Variants in BCKDHB observed in about 807,000 individuals in gnomAD.
BCKDHB encodes the protein 2-oxoisovalerate dehydrogenase subunit beta, mitochondrial.
BCKDHB carries 41 observed loss-of-function variants against 48.5 expected under a neutral mutation model. The ratio of observed to expected loss-of-function variants is 0.85; its 90% CI spans 0.66 to 1.10. The LOEUF (loss-of-function observed/expected upper bound fraction) is 1.10, where lower values mean the gene tolerates loss of function less well. Ranked by LOEUF, BCKDHB falls within the 50% of genes least tolerant of loss-of-function variation. BCKDHB has a pLI of 0.00. For missense variants in BCKDHB, 496 were observed against 494.2 expected (o/e 1.00, Z -0.03); for synonymous variants, 201 against 174.8 (o/e 1.15, Z -1.18).
At chr6:80,320,973 G>T (rs1226998412) in intron 9 of BCKDHB, among the ~76,000 whole-genome samples, 3 of 151,952 alleles carry the variant, frequency 2.0e-5, no homozygotes, top group African/African-American at 4.8e-5. Context: ...GATATCCCCT[G>T]TCCCCTGAAA....
intron 8 of BCKDHB, among the ~76,000 whole-genome samples, chr6:80,257,017 A>G (rs993835107): frequency 3.9e-5 from 6 of 152,212 alleles, no homozygotes; most frequent in Non-Finnish European, 7.3e-5. Context: ...CACATACCAT[A>G]TCCACATTAT....
intron 9 of BCKDHB, among the ~76,000 whole-genome samples, chr6:80,286,331 G>C (rs978425773): frequency 2.6e-5 from 4 of 152,094 alleles, no homozygotes; most frequent in Non-Finnish European, 5.9e-5. Flanking sequence ...ATGCTGGTTA[G>C]GCTATTTGAA....
intron 1 of BCKDHB, among the ~76,000 whole-genome samples, chr6:80,123,774 C>T (rs535105817): frequency 1.3e-5 from 2 of 152,000 alleles, no homozygotes; most frequent in Non-Finnish European, 2.9e-5. Context: ...CTATTTGATT[C>T]TTCTCTGTTT....
the BCKDHB span, among the ~76,000 whole-genome samples, chr6:80,390,927 G>A: frequency 6.6e-6 from 1 of 152,104 alleles, no homozygotes; most frequent in South Asian, 2.1e-4. Context: ...CAATCAGCTG[G>A]CAGCAAATAT....
the BCKDHB span, among the ~76,000 whole-genome samples, chr6:80,408,147 G>A: frequency 6.6e-6 from 1 of 152,094 alleles, no homozygotes; most frequent in Non-Finnish European, 1.5e-5. Context: ...TTTGTGTGAT[G>A]GATTACTTTT....
chr6:80,153,080 G>A (rs929692995), intron 3 of BCKDHB, among the ~76,000 whole-genome samples: 1 of 152,136 alleles, frequency 6.6e-6, no homozygotes. Flanking sequence ...CAGTAACATT[G>A]TTCTTTAATC....
In BCKDHB at chr6:80,328,029, C is replaced by T. The variant is rs1769129009; in HGVS notation, c.1039-15635C>T. On this transcript the variant is annotated intron_variant, in intron 9 of 9. Transcript: ENST00000320393. The stretch of plus-strand genomic sequence containing the variant: ...ATTAAAATGGTCACCTGACGACCAT[C>T]TGAGTTGAGCTTTGTCAAGAACCAA... 2.7e-5 allele frequency among the ~76,000 whole-genome samples: 4 copies of T among 150,888 alleles called. No homozygotes were observed. The South Asian group carries it at 8.4e-4, about 32-fold the overall frequency.
the BCKDHB span, among the ~76,000 whole-genome samples, chr6:80,368,876 G>C: frequency 6.6e-6 from 1 of 152,034 alleles, no homozygotes; most frequent in Admixed American, 6.6e-5. Context: ...AGCCAGGCGT[G>C]GTGGCTCGTG....
intron 9 of BCKDHB, among the ~76,000 whole-genome samples, chr6:80,341,724 C>T (rs770171617): frequency 7.2e-5 from 11 of 152,076 alleles, no homozygotes; most frequent in Admixed American, 1.3e-4. Context: ...AAATCAAAGA[C>T]GTTTAGTAAA....
chr6:80,291,963 A>G (rs1297225583), intron 9 of BCKDHB, among the ~76,000 whole-genome samples: 1 of 152,162 alleles, frequency 6.6e-6, no homozygotes, highest in African/African-American at 2.4e-5. Flanking sequence ...CATGAAAGGA[A>G]TCTTAGATAA....
At chr6:80,233,562 T>C (rs1241174448) in intron 8 of BCKDHB, among the ~76,000 whole-genome samples, 2 of 152,242 alleles carry the variant, frequency 1.3e-5, no homozygotes, top group African/African-American at 4.8e-5. Flanking sequence ...CTTATTTTTC[T>C]GAACCTTATT....
At chr6:80,253,022 T>A (rs942233729) in intron 8 of BCKDHB, among the ~76,000 whole-genome samples, 5 of 152,222 alleles carry the variant, frequency 3.3e-5, no homozygotes, top group African/African-American at 7.2e-5. Flanking sequence ...TCACAACATC[T>A]GCATCAGTAA....
intron 9 of BCKDHB, among the ~76,000 whole-genome samples, chr6:80,295,874 G>T (rs758762037): frequency 6.6e-6 from 1 of 152,030 alleles, no homozygotes; most frequent in African/African-American, 2.4e-5. Context: ...CCTATGACAC[G>T]TGGGAATTAT....
At chr6:80,308,797 G>A (rs374433577) in intron 9 of BCKDHB, among the ~76,000 whole-genome samples, 4 of 151,680 alleles carry the variant, frequency 2.6e-5, no homozygotes, top group South Asian at 4.2e-4. Context: ...GAGTTTCACC[G>A]TGTCTCGATC....
At chr6:80,239,843 C>T (rs1776306442) in intron 8 of BCKDHB, among the ~76,000 whole-genome samples, 2 of 152,156 alleles carry the variant, frequency 1.3e-5, no homozygotes, top group South Asian at 4.2e-4. Flanking sequence ...TTCCCAGCAC[C>T]ATTTATTAAA....
chr6:80,399,484 C>A, the BCKDHB span, among the ~76,000 whole-genome samples: 1 of 152,042 alleles, frequency 6.6e-6, no homozygotes, highest in East Asian at 1.9e-4. Context: ...ATCAGAAATG[C>A]AATCCTATTC....
the BCKDHB span, among the ~76,000 whole-genome samples, chr6:80,424,231 G>A: frequency 3.3e-5 from 5 of 152,052 alleles, no homozygotes; most frequent in African/African-American, 1.2e-4. Context: ...GGATGATTTT[G>A]GAATTACTAC....
the BCKDHB span, among the ~76,000 whole-genome samples, chr6:80,364,932 C>A: frequency 6.6e-6 from 1 of 152,146 alleles, no homozygotes; most frequent in Non-Finnish European, 1.5e-5. Flanking sequence ...TACAGCTGGG[C>A]TACTGGGGGT....
At chr6:80,375,032 T>C in the BCKDHB span, among the ~76,000 whole-genome samples, 1 of 152,230 alleles carries the variant, frequency 6.6e-6, no homozygotes, top group Non-Finnish European at 1.5e-5. Flanking sequence ...GTTAATCTGA[T>C]AGGTTTCCCT....
Sources: allele counts gnomAD v4.1 joint callset (sites outside exome capture counted in the v4.1 genomes callset), GRCh38; gene constraint gnomAD v4.1.1; transcripts MANE v1.5; gene names NCBI Gene and HGNC (gene_info 2026-07-23, HGNC 2026-07-21).